JARID2: variants seen among roughly 807,000 people sequenced by gnomAD.
JARID2 encodes jumonji and AT-rich interaction domain containing 2.
In JARID2, 21 loss-of-function variants were observed where a neutral mutation model predicts 125.6. The observed-to-expected ratio is 0.17, with a 90% CI of 0.12 to 0.24. The LOEUF is 0.24. Among genes scored for constraint, JARID2 ranks in the 10% least tolerant of loss-of-function variants. The probability of loss-of-function intolerance (pLI) is 1.00; values close to 1 mark genes in which losing one functional copy is unlikely to be tolerated. For synonymous variants in JARID2, 736 were observed against 661.6 expected (o/e 1.11, Z -1.73); for missense variants, 1,303 against 1,639.6 (o/e 0.79, Z 3.55).
At chr6:15,364,992 T>C (rs1763925161) in intron 1 of JARID2, among the ~76,000 whole-genome samples, 1 of 152,206 alleles carries the variant, frequency 6.6e-6, no homozygotes, top group Non-Finnish European at 1.5e-5. Context: ...TTTGGGGATT[T>C]TTTGGGGGTA....
chr6:15,447,171 C>G (rs1391038267), intron 3 of JARID2, among the ~76,000 whole-genome samples: 3 of 152,190 alleles, frequency 2.0e-5, no homozygotes, highest in Admixed American at 6.5e-5. Flanking sequence ...ACTGCGCCAA[C>G]CCTATGTTGT....
intron 16 of JARID2, among the ~76,000 whole-genome samples, chr6:15,514,082 G>A (rs1185079797): frequency 6.6e-6 from 1 of 152,196 alleles, no homozygotes; most frequent in Non-Finnish European, 1.5e-5. Context: ...CTCAGCTTTG[G>A]GGTTAATACC....
intron 17 of JARID2, among the ~76,000 whole-genome samples, chr6:15,518,944 G>T (rs1006988028): frequency 7.9e-5 from 12 of 152,226 alleles, no homozygotes. Context: ...GGTGCACCTA[G>T]ATTGCAAATC....
At chr6:15,470,345 A>T (rs1769015707) in intron 5 of JARID2, among the ~76,000 whole-genome samples, 1 of 152,182 alleles carries the variant, frequency 6.6e-6, no homozygotes, top group South Asian at 2.1e-4. Flanking sequence ...AAATGGCGGA[A>T]AATCAGTGCT....
chr6:15,274,410 G>C (rs1478432385), intron 1 of JARID2, among the ~76,000 whole-genome samples: 3 of 152,102 alleles, frequency 2.0e-5, no homozygotes, highest in Non-Finnish European at 4.4e-5. Flanking sequence ...AATTTTTACA[G>C]AGAAAAACTA....
intron 2 of JARID2, among the ~76,000 whole-genome samples, chr6:15,405,132 A>G (rs909286560): frequency 6.6e-6 from 1 of 152,252 alleles, no homozygotes; most frequent in Non-Finnish European, 1.5e-5. Context: ...CGCCCATCAT[A>G]TAAGGCAAGA....
intron 17 of JARID2, among the ~76,000 whole-genome samples, chr6:15,519,696 G>A (rs1326848830): frequency 2.6e-5 from 4 of 152,210 alleles, no homozygotes; most frequent in African/African-American, 9.7e-5. Context: ...TAGCTAAAGT[G>A]AGTCAAGTAG....
intron 4 of JARID2, among the ~76,000 whole-genome samples, chr6:15,464,886 A>G (rs1050438989): frequency 7.2e-5 from 11 of 152,148 alleles, no homozygotes; most frequent in Non-Finnish European, 4.4e-5. Flanking sequence ...CTGTGTCCCC[A>G]TATGTAGAAG....
intron 3 of JARID2, among the ~76,000 whole-genome samples, chr6:15,420,520 T>C (rs888716150): frequency 6.6e-6 from 1 of 152,228 alleles, no homozygotes; most frequent in Non-Finnish European, 1.5e-5. Flanking sequence ...TATTTGAGTA[T>C]ATGTGCTATT....
chr6:15,413,000 G>GTTTTTTTTTTT (rs1561845196), intron 3 of JARID2, among the ~76,000 whole-genome samples: 4 of 65,028 alleles, frequency 6.2e-5, no homozygotes, highest in African/African-American at 2.4e-4. Flanking sequence ...GGAAGAGCTT[G>GTTTTTTTTTTT]TGTTTTTGTT....
intron 1 of JARID2, among the ~76,000 whole-genome samples, chr6:15,265,510 C>T (rs539227176): frequency 6.6e-6 from 1 of 151,982 alleles, no homozygotes; most frequent in East Asian, 1.9e-4. Context: ...AGTAACATTC[C>T]AGATTTGGCT....
At chr6:15,371,362 A>G (rs1764165200) in intron 1 of JARID2, among the ~76,000 whole-genome samples, 1 of 152,224 alleles carries the variant, frequency 6.6e-6, no homozygotes, top group African/African-American at 2.4e-5. Context: ...TGTAGGAAAT[A>G]ATAGTTTATA....
At chr6:15,451,570 T>C (rs932683054) in intron 3 of JARID2, among the ~76,000 whole-genome samples, 1 of 152,208 alleles carries the variant, frequency 6.6e-6, no homozygotes, top group Non-Finnish European at 1.5e-5. Flanking sequence ...GATGTGGGTA[T>C]GGATTTGTGA....
At chr6:15,445,814 A>G (rs1767649459) in intron 3 of JARID2, among the ~76,000 whole-genome samples, 1 of 152,200 alleles carries the variant, frequency 6.6e-6, no homozygotes, top group Admixed American at 6.5e-5. Context: ...GAGAATGGGC[A>G]AGTGGCATGG....
intron 1 of JARID2, among the ~76,000 whole-genome samples, chr6:15,261,927 C>A (rs759647723): frequency 6.6e-6 from 1 of 151,620 alleles, no homozygotes; most frequent in African/African-American, 2.4e-5. Flanking sequence ...ACTACAGGCG[C>A]GCGCCACCAT....
In JARID2 at chr6:15,327,228, G is replaced by A. The variant is rs72834574; in HGVS notation, c.46-46889G>A. Reference sequence around the variant, plus strand: ...TTTTTTAAATAGACAAATAAAAATGGTAACTTCTAGGTTCCTTTTTTGTTT... The same window carrying A: ...TTTTTTAAATAGACAAATAAAAATGATAACTTCTAGGTTCCTTTTTTGTTT... On this transcript the variant is annotated intron_variant, in intron 1 of 17. Coordinates refer to ENST00000341776, the MANE Select transcript of JARID2 (RefSeq NM_004973.4). Among the ~76,000 whole-genome samples, 1,392 of 152,104 alleles carry A rather than the reference G, an allele frequency of 9.2e-3. 12 individuals carry two copies. Among genetic ancestry groups the A allele is most frequent in the Middle Eastern group, 0.024 (7 of 294 alleles).
At chr6:15,317,823 G>A (rs1762227507) in intron 1 of JARID2, among the ~76,000 whole-genome samples, 1 of 152,202 alleles carries the variant, frequency 6.6e-6, no homozygotes, top group Admixed American at 6.5e-5. Context: ...GGCGCGTGGA[G>A]AGCCGATCCC....
intron 4 of JARID2, among the ~76,000 whole-genome samples, chr6:15,462,250 C>T (rs569568820): frequency 1.3e-5 from 2 of 152,242 alleles, no homozygotes; most frequent in South Asian, 2.1e-4. Context: ...CAAATGAATG[C>T]GAATTGGGAA....
At chr6:15,484,027 A>T (rs989129808) in intron 5 of JARID2, among the ~76,000 whole-genome samples, 1 of 152,190 alleles carries the variant, frequency 6.6e-6, no homozygotes, top group African/African-American at 2.4e-5. Context: ...ATCAGTGCAG[A>T]TGTCTATCCA....
Sources: gnomAD v4.1 joint callset for allele counts (sites outside exome capture counted in the v4.1 genomes callset) on GRCh38, gnomAD v4.1.1 for gene constraint, MANE v1.5 for transcripts, NCBI Gene and HGNC (gene_info 2026-07-23, HGNC 2026-07-21) for gene names.